The following MED23 variants were observed in gnomAD, a reference collection of about 807,000 sequenced individuals.
MED23 encodes mediator complex subunit 23.
Under a neutral mutation model 163.9 loss-of-function variants are expected in MED23, and 105 were observed. That is an observed-to-expected ratio of 0.64 (90% confidence interval 0.55 to 0.75). The LOEUF (loss-of-function observed/expected upper bound fraction) is 0.75, where lower values mean the gene tolerates loss of function less well. MED23 is among the 30% of genes least tolerant of loss of function. MED23 has a pLI of 0.00. For synonymous variants in MED23, 561 were observed against 565.6 expected (o/e 0.99, Z 0.12); for missense variants, 1,054 against 1,649.0 (o/e 0.64, Z 6.25).
chr6:131,625,081 T>C, intron 3 of MED23, 92 bp from the exon 4 acceptor site: 1 of 1,347,412 alleles, frequency 7.4e-7, no homozygotes, highest in Non-Finnish European at 1.1e-6. Context: ...ACCAATACTA[T>C]GAAAGAAATA....
chr6:131,585,794 G>A (rs900471860), downstream of MED23, among the ~76,000 whole-genome samples: 4 of 152,092 alleles, frequency 2.6e-5, no homozygotes, highest in East Asian at 7.7e-4. Flanking sequence ...TAAAGTTTTT[G>A]TCTTCTATTA....
downstream of MED23, chr6:131,583,451 C>T (rs777639743): frequency 3.7e-6 from 6 of 1,614,110 alleles, no homozygotes; most frequent in South Asian, 1.1e-5. Context: ...GTCTGACATA[C>T]AGAGAAGGTC....
chr6:131,596,453 C>T, intron 21 of MED23, 65 bp downstream of exon 21: 1 of 1,569,866 alleles, frequency 6.4e-7, no homozygotes, highest in Non-Finnish European at 8.8e-7. Flanking sequence ...ACGGCCAAAT[C>T]ACTTCATCAA....
chr6:131,592,858 C>T, intron 24 of MED23, 148 bp downstream of exon 24: 2 of 972,248 alleles, frequency 2.1e-6, no homozygotes, highest in Non-Finnish European at 3.1e-6. Context: ...ACTCCTATAT[C>T]ACAAAGACAA....
intron 30 of MED23, chr6:131,579,058 A>G: frequency 6.3e-7 from 1 of 1,589,240 alleles, no homozygotes; most frequent in Non-Finnish European, 8.6e-7. Context: ...TCCTACACAG[A>G]CTGATTTATA....
intron 18 of MED23, among the ~76,000 whole-genome samples, chr6:131,599,609 AT>A (rs1005542263): frequency 6.6e-6 from 1 of 151,744 alleles, no homozygotes; most frequent in African/African-American, 2.4e-5. Flanking sequence ...TTTCACTTTT[AT>A]TTTTTTCCTC....
In MED23 at chr6:131,605,133, A is replaced by G. The variant is rs1775764910; in HGVS notation, c.1613+107T>C. ...AATAAAGCTAACTTTTTTTTCTCAA[A>G]TGTACCTGACTATGAAATAATACGC... On this transcript the variant is annotated intron_variant, in intron 14 of 28. Transcript: ENST00000368068. The G allele has an allele frequency of 2.8e-5, 34 of 1,215,492 alleles. No individual in the cohort carries two copies. The South Asian group carries it at 4.9e-4, about 17-fold the overall frequency. 75.3% of individuals were successfully genotyped at this position (1,215,492 alleles called of 1,614,324 possible). A position where few individuals can be genotyped will look rare whatever the true frequency, so the allele number is the denominator to read the frequency against.
At position 131,587,474 on chromosome 6, in the gene MED23, T is replaced by C; in HGVS notation, c.*205A>G. On this transcript the variant is annotated 3_prime_UTR_variant, in exon 29 of 29. Coordinates refer to ENST00000368068, the MANE Select transcript of MED23 (RefSeq NM_004830.4). ...GAATATGAACAACATGTATCTTACT[T>C]GATCTCTTAGAGACAAAAATATAGA... is the stretch of plus-strand genomic sequence containing the variant. 23 of 1,408,288 alleles carry C rather than the reference T, an allele frequency of 1.6e-5. No individual in the cohort carries two copies. The highest frequency in any genetic ancestry group is 2.1e-5 in the Non-Finnish European group (23 of 1,083,116). The allele number at this position is 1,408,288 out of a possible 1,614,324, so 87.2% of individuals were successfully genotyped here.
At chr6:131,576,763 C>G in intron 30 of MED23, 1 of 1,585,688 alleles carries the variant, frequency 6.3e-7, no homozygotes, top group Non-Finnish European at 8.7e-7. Flanking sequence ...AAATGATCAG[C>G]CTGATTTCCT....
chr6:131,620,586 G>T, intron 7 of MED23, 42 bp downstream of exon 7: 1 of 1,458,234 alleles, frequency 6.9e-7, no homozygotes, highest in Non-Finnish European at 9.6e-7. Context: ...ACGAAGCCCA[G>T]CCGAAAATTT....
At chr6:131,596,807 T>C in intron 20 of MED23, 119 bp from the exon 21 acceptor site, 1 of 966,860 alleles carries the variant, frequency 1.0e-6, no homozygotes, top group African/African-American at 1.6e-5. Flanking sequence ...TCCTTAGACG[T>C]CTAGTCTATC....
intron 4 of MED23, among the ~76,000 whole-genome samples, 174 bp from the exon 5 acceptor site, chr6:131,623,636 A>G (rs780686660): frequency 2.0e-5 from 3 of 152,164 alleles, no homozygotes; most frequent in Non-Finnish European, 4.4e-5. Context: ...AGTTCCCCCA[A>G]TACTGTTCTC....
At chr6:131,605,187 C>T in intron 14 of MED23, 53 bp downstream of exon 14, 6 of 1,580,194 alleles carry the variant, frequency 3.8e-6, no homozygotes, top group Non-Finnish European at 5.2e-6. Context: ...AAGGTTTATA[C>T]TATACTCGTA....
chr6:131,617,072 TATTA>T (rs1234750033), intron 9 of MED23, among the ~76,000 whole-genome samples: 2 of 150,434 alleles, frequency 1.3e-5, no homozygotes, highest in Non-Finnish European at 1.5e-5. Flanking sequence ...ACTTAAAATA[TATTA>T]ATTTAAAAAT....
At chr6:131,626,775 CT>C (rs1426395375) in intron 3 of MED23, among the ~76,000 whole-genome samples, 1 of 152,180 alleles carries the variant, frequency 6.6e-6, no homozygotes, top group Non-Finnish European at 1.5e-5. Flanking sequence ...AGTGGCAAAT[CT>C]TATCACCAGT....
intron 28 of MED23, among the ~76,000 whole-genome samples, chr6:131,588,059 C>T (rs931696608): frequency 1.3e-5 from 2 of 152,078 alleles, no homozygotes; most frequent in South Asian, 2.1e-4. Context: ...ACACACACCC[C>T]TTATATATTA....
At chr6:131,584,816 TACACACACAC>T (rs59196638), downstream of MED23, among the ~76,000 whole-genome samples, 35 of 134,138 alleles carry the variant, frequency 2.6e-4, no homozygotes, top group Non-Finnish European at 4.7e-4. Context: ...CTACAAAAAA[TACACACACAC>T]ACACACACAC....
Position 131,617,436 on chromosome 6 carries a change from C to T in MED23, c.780+971G>A, listed in dbSNP as rs1585553764. Among the ~76,000 whole-genome samples, 5 of 149,598 alleles carry T rather than the reference C, an allele frequency of 3.3e-5. No homozygotes were observed. The South Asian group carries it at 1.0e-3, about 31-fold the overall frequency. On this transcript the variant is annotated intron_variant, in intron 9 of 28. Transcript: ENST00000368068. ...TGCTATTGTAACTATGATGTAAAAACCTTAGAAACAGTTACGGCATTAAAT... is the reference window on the plus strand; with the variant it reads ...TGCTATTGTAACTATGATGTAAAAATCTTAGAAACAGTTACGGCATTAAAT...
Position 131,627,436 on chromosome 6 carries a change from C to G in MED23, c.119G>C (p.Cys40Ser), listed in dbSNP as rs750672509. ...PEDEKTKLIS[C>S]LGAFRQFWGG... is the part of the protein sequence containing the mutation. ...CCAAAACTGTCTGAAGGCCCCCAAA[C>G]AGCTAATTAGTTTTGTTTTCTCATC... is the stretch of plus-strand genomic sequence containing the variant. Residue 40 changes from cysteine (C) to serine (S), a missense_variant, in exon 3 of 29, where the codon TGT becomes TCT. By Grantham distance (112) the Cys-to-Ser change is moderately radical. Coordinates refer to ENST00000368068, the MANE Select transcript of MED23 (RefSeq NM_004830.4). 2 of 1,613,042 alleles carry G rather than the reference C, an allele frequency of 1.2e-6. No individual in the cohort carries two copies. The highest frequency in any genetic ancestry group is 1.7e-5 in the Admixed American group (1 of 59,942).
Sources: gnomAD v4.1 joint callset for allele counts (sites outside exome capture counted in the v4.1 genomes callset) on GRCh38, gnomAD v4.1.1 for gene constraint, MANE v1.5 for transcripts, NCBI Gene and HGNC (gene_info 2026-07-23, HGNC 2026-07-21) for gene names.